The following PRKAR1A variants were observed in gnomAD, a reference collection of about 807,000 sequenced individuals.
PRKAR1A encodes protein kinase cAMP-dependent type I regulatory subunit alpha.
Under a neutral mutation model 52.0 loss-of-function variants are expected in PRKAR1A, and 3 were observed. That is an observed-to-expected ratio of 0.06 (90% CI 0.03 to 0.15). The LOEUF (loss-of-function observed/expected upper bound fraction) is 0.15. Among genes scored for constraint, PRKAR1A ranks in the 10% least tolerant of loss-of-function variants. PRKAR1A has a pLI of 1.00. For missense variants in PRKAR1A, 240 were observed against 477.4 expected (o/e 0.50, Z 4.63); for synonymous variants, 188 against 168.4 (o/e 1.12, Z -0.90).
At chr17:68,495,967 CTCT>C in the PRKAR1A span, among the ~76,000 whole-genome samples, 1 of 44,092 alleles carries the variant, frequency 2.3e-5, no homozygotes, top group Admixed American at 2.8e-4. Flanking sequence ...CTCCTCTCTC[CTCT>C]CCTCTCTCCT....
the PRKAR1A span, among the ~76,000 whole-genome samples, chr17:68,474,011 G>T: frequency 4.7e-5 from 7 of 150,488 alleles, no homozygotes; most frequent in African/African-American, 1.5e-4. Flanking sequence ...TTCGTTTTTT[G>T]ATTTAAAAAC....
At chr17:68,464,499 G>A in the PRKAR1A span, among the ~76,000 whole-genome samples, 2 of 152,076 alleles carry the variant, frequency 1.3e-5, no homozygotes, top group Non-Finnish European at 2.9e-5. Flanking sequence ...TGGCCAACAC[G>A]GTGAAACCCC....
At chr17:68,478,508 C>CAGGGGCATGGTGGCCAGCCCCTGTA in the PRKAR1A span, among the ~76,000 whole-genome samples, 1 of 152,174 alleles carries the variant, frequency 6.6e-6, no homozygotes, top group African/African-American at 2.4e-5. Flanking sequence ...TCTCTCAACA[C>CAGGGGCATGGTGGCCAGCCCCTGTA]ATCGAAGGCA....
Position 68,532,245 on chromosome 17 carries a change from CTTGAT to C in PRKAR1A, c.*1802_*1806del. 9.6e-7 allele frequency: 1 copy of C among 1,040,226 alleles called. No individual in the cohort carries two copies. Among genetic ancestry groups the C allele is most frequent in the Non-Finnish European group, 1.2e-6 (1 of 856,522 alleles). The allele number at this position is 1,040,226 out of a possible 1,614,324, so 64.4% of individuals were successfully genotyped here. A position where few individuals can be genotyped will look rare whatever the true frequency, so the allele number is the denominator to read the frequency against. On this transcript the variant is annotated 3_prime_UTR_variant, in exon 11 of 11. Coordinates refer to ENST00000589228, the MANE Select transcript of PRKAR1A (RefSeq NM_002734.5). Reference sequence around the variant, plus strand: ...AAATTACGTTCTTACAAGCTTAAAGCTTGATTTGATCTTTGTTTAAATGCCAAAAT... The same window carrying C: ...AAATTACGTTCTTACAAGCTTAAAGCTTGATCTTTGTTTAAATGCCAAAAT...
At chr17:68,504,442 G>C in the PRKAR1A span, among the ~76,000 whole-genome samples, 3 of 152,260 alleles carry the variant, frequency 2.0e-5, no homozygotes, top group East Asian at 5.8e-4. Flanking sequence ...ACTCCAGCCT[G>C]GCGACAGAGT....
chr17:68,457,572 C>G, the PRKAR1A span: 25 of 372,324 alleles, frequency 6.7e-5, no homozygotes, highest in East Asian at 1.2e-3. Flanking sequence ...CCGTCCCCAC[C>G]CCGCCCCTAC....
At chr17:68,443,079 G>T in the PRKAR1A span, among the ~76,000 whole-genome samples, 6 of 152,044 alleles carry the variant, frequency 3.9e-5, no homozygotes, top group Non-Finnish European at 7.4e-5. Context: ...AGCCTCAATG[G>T]CTTTGTTCTT....
chr17:68,460,580 C>G, the PRKAR1A span, among the ~76,000 whole-genome samples: 77 of 152,256 alleles, frequency 5.1e-4, no homozygotes, highest in Non-Finnish European at 9.4e-4. Context: ...CATTATGGCA[C>G]CAGCCATGTG....
At chr17:68,549,725 T>A (rs1209728053) in intron 11 of PRKAR1A, among the ~76,000 whole-genome samples, 1 of 152,178 alleles carries the variant, frequency 6.6e-6, no homozygotes, top group Non-Finnish European at 1.5e-5. Flanking sequence ...TAACAATAAT[T>A]TAAACTCTAT....
At chr17:68,481,901 T>C in the PRKAR1A span, among the ~76,000 whole-genome samples, 2 of 152,272 alleles carry the variant, frequency 1.3e-5, no homozygotes, top group Non-Finnish European at 2.9e-5. Context: ...AGGAGACATA[T>C]GTGTGTCGAG....
At position 68,531,817 on chromosome 17, in the gene PRKAR1A, T is replaced by C. The variant is rs1367515837; in HGVS notation, c.*1368T>C. On this transcript the variant is annotated 3_prime_UTR_variant, in exon 11 of 11. Transcript: ENST00000589228. ...CCAATGATACCCAACAGTTTATTTT[T>C]ATTATTTTTTTAAACAAAATTTCAC... 2 of 1,034,610 alleles carry C rather than the reference T, an allele frequency of 1.9e-6. No individual in the cohort carries two copies. 64.1% of individuals were successfully genotyped at this position (1,034,610 alleles called of 1,614,324 possible).
At chr17:68,544,304 T>G (rs2086448896) in intron 11 of PRKAR1A, among the ~76,000 whole-genome samples, 1 of 152,106 alleles carries the variant, frequency 6.6e-6, no homozygotes, top group Admixed American at 6.5e-5. Context: ...GTGCAGAGGA[T>G]ATTGATTTAT....
Position 68,549,149 on chromosome 17 carries a change from A to G in PRKAR1A, c.974-1935A>G, listed in dbSNP as rs192404839. On this transcript the variant is annotated intron_variant, in intron 11 of 11. Coordinates refer to the PRKAR1A transcript ENST00000585981. ...AGCAGTTTTTCCTCCCTGATACAAA[A>G]GAACTGAGAGTGGAGCTCATCCATT... Among the ~76,000 whole-genome samples the G allele has an allele frequency of 2.6e-3, 392 of 152,344 alleles. 1 individual carries two copies. Among genetic ancestry groups the G allele is most frequent in the African/African-American group, 9.1e-3 (380 of 41,588 alleles).
chr17:68,462,198 T>C, the PRKAR1A span, among the ~76,000 whole-genome samples: 1 of 152,326 alleles, frequency 6.6e-6, no homozygotes, highest in East Asian at 1.9e-4. Context: ...ACCTGTCTTA[T>C]TTTTGCCTCC....
At chr17:68,437,005 A>ATATATAT in the PRKAR1A span, among the ~76,000 whole-genome samples, 263 of 107,188 alleles carry the variant, frequency 2.5e-3, 1 homozygote, top group Middle Eastern at 0.011. Context: ...AAAAAAAAAA[A>ATATATAT]ATATATATAT....
chr17:68,521,948 G>C (rs2085625033), intron 2 of PRKAR1A, among the ~76,000 whole-genome samples: 1 of 152,232 alleles, frequency 6.6e-6, no homozygotes, highest in African/African-American at 2.4e-5. Context: ...GTGAAAAAAG[G>C]AATGTTTAAT....
chr17:68,448,117 G>A, the PRKAR1A span, among the ~76,000 whole-genome samples: 1 of 152,022 alleles, frequency 6.6e-6, no homozygotes, highest in Admixed American at 6.5e-5. Flanking sequence ...AGCAGACTGA[G>A]TGCTACAGAA....
the PRKAR1A span, among the ~76,000 whole-genome samples, chr17:68,499,538 C>T: frequency 3.9e-5 from 6 of 152,150 alleles, no homozygotes; most frequent in Admixed American, 6.5e-5. Context: ...AGGCTTCCGA[C>T]CAGATGGGCT....
the PRKAR1A span, chr17:68,450,967 ACT>A: frequency 6.5e-7 from 1 of 1,542,564 alleles, no homozygotes; most frequent in Non-Finnish European, 8.7e-7. Flanking sequence ...CCTCCATGAC[ACT>A]GGGCCCGGCG....
Sources: allele counts gnomAD v4.1 joint callset (sites outside exome capture counted in the v4.1 genomes callset), GRCh38; gene constraint gnomAD v4.1.1; transcripts MANE v1.5; gene names NCBI Gene and HGNC (gene_info 2026-07-23, HGNC 2026-07-21).